COL24A1: variants seen among roughly 807,000 people sequenced by gnomAD.
COL24A1 encodes the protein collagen alpha-1(XXIV) chain.
In COL24A1, 224 loss-of-function variants were observed where a neutral mutation model predicts 253.9. The observed-to-expected ratio is 0.88, with a 90% CI of 0.79 to 0.99. COL24A1 has a LOEUF of 0.99. COL24A1 is among the 50% of genes least tolerant of loss of function. COL24A1 has a pLI of 0.00. For missense variants in COL24A1, 2,131 were observed against 2,068.5 expected (o/e 1.03, Z -0.59); for synonymous variants, 685 against 673.7 (o/e 1.02, Z -0.26).
chr1:86,124,859 CT>C lies in COL24A1; in HGVS notation c.1476del (p.Asp493ThrfsTer67). The C allele has an allele frequency of 1.9e-6, 3 of 1,549,364 alleles. No individual in the cohort carries two copies. Among genetic ancestry groups the C allele is most frequent in the Non-Finnish European group, 2.6e-6 (3 of 1,156,634 alleles). ...AAAAAACTTACGGGAGGTCCAGTGT[CT>C]CCTTTTGGCCCTCTCAGATACTCCA... ...LEMEYLRGPK[G>X]DTGPPGPPGP... On this transcript the variant is annotated frameshift_variant, in exon 3 of 60. Transcript: ENST00000370571. LOFTEE classifies it high-confidence loss of function.
At chr1:86,079,104 G>C (rs983339220) in intron 7 of COL24A1, among the ~76,000 whole-genome samples, 1 of 152,086 alleles carries the variant, frequency 6.6e-6, no homozygotes. Flanking sequence ...CATAAAAACA[G>C]ACACACAGAC....
intron 28 of COL24A1, among the ~76,000 whole-genome samples, chr1:85,898,480 T>G (rs772593417): frequency 6.6e-6 from 1 of 152,202 alleles, no homozygotes; most frequent in Non-Finnish European, 1.5e-5. Context: ...TTTCTAAGTC[T>G]ATATTCAAGG....
intron 35 of COL24A1, among the ~76,000 whole-genome samples, chr1:85,872,299 C>G (rs895609582): frequency 6.6e-6 from 1 of 152,166 alleles, no homozygotes; most frequent in African/African-American, 2.4e-5. Context: ...AATACCATCC[C>G]CATCAAGCTA....
intron 11 of COL24A1, among the ~76,000 whole-genome samples, chr1:86,049,033 G>A (rs1045256044): frequency 1.3e-5 from 2 of 152,152 alleles, no homozygotes; most frequent in African/African-American, 4.8e-5. Context: ...GAACCATTGG[G>A]TCAAGAAGTA....
At chr1:85,790,926 T>C (rs536960611) in intron 47 of COL24A1, among the ~76,000 whole-genome samples, 1 of 152,308 alleles carries the variant, frequency 6.6e-6, no homozygotes, top group Admixed American at 6.5e-5. Flanking sequence ...GAGTATTTTA[T>C]CACAGCAGAA....
At chr1:86,026,724 A>G (rs1698063368) in intron 14 of COL24A1, among the ~76,000 whole-genome samples, 3 of 152,226 alleles carry the variant, frequency 2.0e-5, no homozygotes, top group African/African-American at 7.2e-5. Flanking sequence ...TGCTATAAAG[A>G]TACCTGGAAA....
At chr1:86,062,071 C>T (rs945969265) in intron 8 of COL24A1, among the ~76,000 whole-genome samples, 3 of 151,994 alleles carry the variant, frequency 2.0e-5, no homozygotes, top group African/African-American at 7.2e-5. Context: ...GTGGAAGTAA[C>T]TGTAATAACT....
intron 59 of COL24A1, 103 bp from the exon 60 acceptor site, chr1:85,730,795 G>T: frequency 8.2e-7 from 1 of 1,221,974 alleles, no homozygotes; most frequent in Non-Finnish European, 1.2e-6. Flanking sequence ...AAGGATTAGA[G>T]ATAACGAATA....
intron 47 of COL24A1, among the ~76,000 whole-genome samples, chr1:85,801,555 C>T (rs1172588771): frequency 2.0e-5 from 3 of 152,302 alleles, no homozygotes; most frequent in Admixed American, 6.5e-5. Flanking sequence ...CATTTCTTCC[C>T]TTTACCATTT....
Position 85,917,842 on chromosome 1 carries a change from C to T in COL24A1, c.2563-6409G>A, listed in dbSNP as rs1342672128. ...ACCTCAGCCTCCTGAGCAGCTGGGA[C>T]TACAGGCATGCACCACGACGCCCAG... is the stretch of plus-strand genomic sequence containing the variant. On this transcript the variant is annotated intron_variant, in intron 24 of 59. Coordinates refer to ENST00000370571, the MANE Select transcript of COL24A1 (RefSeq NM_152890.7). Among the ~76,000 whole-genome samples, 3 of 152,140 alleles carry T rather than the reference C, an allele frequency of 2.0e-5. No individual in the cohort carries two copies. In the East Asian group the frequency reaches 5.8e-4, roughly 29 times the overall value.
chr1:86,125,957 T>C lies in COL24A1; in HGVS notation c.379A>G (p.Asn127Asp). 2 of 1,613,572 alleles carry C rather than the reference T, an allele frequency of 1.2e-6. No homozygotes were observed. The highest frequency in any genetic ancestry group is 1.7e-6 in the Non-Finnish European group (2 of 1,179,776). Residue 127 changes from asparagine to aspartate, a missense_variant, in exon 3 of 60, where the codon AAT becomes GAT. Transcript: ENST00000370571. The part of the protein sequence containing the change: ...VNNAFLFSIR[N>D]KNRLQLGVQL... ...ACTCCTAATTGCAGTCTATTTTTATTTCTAATGCTGAAGAGAAATGCATTG... is the reference window on the plus strand; with the variant it reads ...ACTCCTAATTGCAGTCTATTTTTATCTCTAATGCTGAAGAGAAATGCATTG...
rs79236253 is a variant in COL24A1 at position 85,804,940 on chromosome 1, C to T, written c.3951+11848G>A. Reference sequence around the variant, plus strand: ...TACTTCACTGTAGCCTCTAACTCCTCATATCAAGCAATCCTACTTCTTCAA... The same window carrying T: ...TACTTCACTGTAGCCTCTAACTCCTTATATCAAGCAATCCTACTTCTTCAA... On this transcript the variant is annotated intron_variant, in intron 47 of 59. Coordinates refer to ENST00000370571, the MANE Select transcript of COL24A1 (RefSeq NM_152890.7). Among the ~76,000 whole-genome samples the T allele has an allele frequency of 1.3e-3, 205 of 152,082 alleles. 5 individuals are homozygous for T. The East Asian group carries it at 0.035, about 26-fold the overall frequency.
At chr1:85,924,337 T>C (rs1427181780) in intron 24 of COL24A1, among the ~76,000 whole-genome samples, 1 of 152,226 alleles carries the variant, frequency 6.6e-6, no homozygotes, top group Admixed American at 6.5e-5. Context: ...AGCATCATCC[T>C]GATACGAAAG....
intron 12 of COL24A1, among the ~76,000 whole-genome samples, chr1:86,034,733 G>A (rs1698862880): frequency 6.6e-6 from 1 of 152,014 alleles, no homozygotes; most frequent in Admixed American, 6.6e-5. Context: ...ATGAAGGATG[G>A]TAAAATAACA....
chr1:86,033,779 T>C (rs1698778164), intron 13 of COL24A1, 91 bp downstream of exon 13: 32 of 1,156,212 alleles, frequency 2.8e-5, no homozygotes, highest in Non-Finnish European at 3.0e-5. Flanking sequence ...ATAGTGTTTA[T>C]TCACAAATAT....
Position 85,875,266 on chromosome 1 carries a change from TAGA to T in COL24A1, c.3084+8_3084+10del. ...AGTTTAGAGATTCTCCTTTATTTTTTAGAAGGTTACCTTTGCACCTGGTTCACC... is the reference window on the plus strand; with the variant it reads ...AGTTTAGAGATTCTCCTTTATTTTTTAGGTTACCTTTGCACCTGGTTCACC... On this transcript the variant is annotated splice_region_variant and intron_variant, in intron 34 of 59. Transcript: ENST00000370571. The T allele has an allele frequency of 6.2e-7, 1 of 1,612,298 alleles. No homozygotes were observed. The highest frequency in any genetic ancestry group is 1.7e-4 in the Middle Eastern group (1 of 6,060).
At chr1:85,833,622 A>T (rs920483214) in intron 43 of COL24A1, among the ~76,000 whole-genome samples, 3 of 152,200 alleles carry the variant, frequency 2.0e-5, no homozygotes, top group African/African-American at 7.2e-5. Context: ...CTGGGTATAT[A>T]CCCAAAGGAT....
At chr1:86,018,425 G>A (rs1031838390) in intron 18 of COL24A1, among the ~76,000 whole-genome samples, 4 of 152,194 alleles carry the variant, frequency 2.6e-5, no homozygotes, top group Admixed American at 2.0e-4. Context: ...GTATACTGAA[G>A]TTCTTAAAAT....
chr1:85,760,300 C>T (rs1666722877), intron 55 of COL24A1, among the ~76,000 whole-genome samples: 2 of 152,206 alleles, frequency 1.3e-5, no homozygotes, highest in African/African-American at 2.4e-5. Context: ...CCACTTCAGC[C>T]TCCCAAAGTG....
Sources: allele counts gnomAD v4.1 joint callset (sites outside exome capture counted in the v4.1 genomes callset), GRCh38; gene constraint gnomAD v4.1.1; transcripts MANE v1.5; gene names NCBI Gene and HGNC (gene_info 2026-07-23, HGNC 2026-07-21).